TTC39A: variants seen among roughly 807,000 people sequenced by gnomAD.
TTC39A encodes tetratricopeptide repeat domain 39A.
TTC39A carries 46 observed loss-of-function variants against 82.3 expected under a neutral mutation model. The observed-to-expected ratio is 0.56, with a 90% CI of 0.44 to 0.71. The LOEUF is 0.71. TTC39A is among the 30% of genes least tolerant of loss of function. TTC39A has a pLI of 0.00. For synonymous variants in TTC39A, 254 were observed against 275.2 expected (o/e 0.92, Z 0.76); for missense variants, 543 against 712.9 (o/e 0.76, Z 2.71).
At chr1:51,304,408 G>A (rs1644794815) in intron 8 of TTC39A, among the ~76,000 whole-genome samples, 2 of 152,110 alleles carry the variant, frequency 1.3e-5, no homozygotes, top group South Asian at 4.1e-4. Flanking sequence ...CATTAACAAG[G>A]CCCTTATTTT....
intron 2 of TTC39A, among the ~76,000 whole-genome samples, chr1:51,316,128 CT>C (rs2148250410): frequency 6.6e-6 from 1 of 152,282 alleles, no homozygotes; most frequent in African/African-American, 2.4e-5. Flanking sequence ...CTGCTGGACC[CT>C]GAGAACAGCC....
Position 51,294,299 on chromosome 1 carries a change from T to C in TTC39A, c.1266+92A>G. On this transcript the variant is annotated intron_variant, in intron 14 of 17. Coordinates refer to ENST00000680483, the MANE Select transcript of TTC39A (RefSeq NM_001297663.2). This position sits in a 1 kb window ranked among gnomAD's most constrained non-coding sequence, Gnocchi z 4.3. ...CAGGCCCCTGAGGCATGAAGGTCTT[T>C]CTCCTCATCCACCTCCCCCTGGCTG... is the stretch of plus-strand genomic sequence containing the variant. 1.9e-6 allele frequency: 3 copies of C among 1,586,276 alleles called. No individual in the cohort carries two copies. The East Asian group carries it at 6.8e-5, about 36-fold the overall frequency.
chr1:51,305,516 C>T (rs1336360524), intron 7 of TTC39A: 1 of 322,958 alleles, frequency 3.1e-6, no homozygotes, highest in Non-Finnish European at 5.9e-6. Context: ...GGAGCCAGCA[C>T]AGATGCTCAC....
chr1:51,298,313 C>T (rs1644521977), intron 12 of TTC39A: 2 of 152,388 alleles, frequency 1.3e-5, no homozygotes, highest in Non-Finnish European at 2.9e-5. Context: ...CCAAGGCTCC[C>T]CCACTGCTGG....
chr1:51,317,069 C>T (rs1645311893), intron 2 of TTC39A, among the ~76,000 whole-genome samples: 1 of 152,208 alleles, frequency 6.6e-6, no homozygotes, highest in Admixed American at 6.5e-5. Flanking sequence ...AGAGACAATG[C>T]TACTCAAAGG....
At chr1:51,333,853 G>A (rs1473530675), upstream of TTC39A, among the ~76,000 whole-genome samples, 1 of 152,140 alleles carries the variant, frequency 6.6e-6, no homozygotes, top group African/African-American at 2.4e-5. Context: ...ACACTAATGC[G>A]GGGCCTAGCA....
At chr1:51,341,275 T>A (rs1024903026) in intron 1 of TTC39A, among the ~76,000 whole-genome samples, 1 of 146,524 alleles carries the variant, frequency 6.8e-6, no homozygotes, top group Non-Finnish European at 1.5e-5. Context: ...TCCCAGGACT[T>A]GAGCTTGGAA....
intron 16 of TTC39A, 132 bp downstream of exon 16, chr1:51,289,873 C>T (rs1569733777): frequency 1.5e-6 from 1 of 680,948 alleles, no homozygotes; most frequent in East Asian, 2.8e-5. Context: ...AGAGTGGACA[C>T]TGGTTTAGTA....
intron 9 of TTC39A, 138 bp downstream of exon 9, chr1:51,302,946 C>G (rs1432352624): frequency 1.3e-6 from 1 of 762,866 alleles, no homozygotes; most frequent in East Asian, 2.7e-5. Flanking sequence ...GTCCCCAGGA[C>G]AGTGGATGTG....
chr1:51,320,856 A>G (rs947020057), intron 2 of TTC39A, among the ~76,000 whole-genome samples: 1 of 149,862 alleles, frequency 6.7e-6, no homozygotes, highest in African/African-American at 2.5e-5. Context: ...CTCATCTATC[A>G]GTAGATGTTT....
rs377477280 is a variant in TTC39A, at chr1:51,287,831, A to G, written c.*326T>C. Reference sequence around the variant, plus strand: ...GTGGTTGATTGTTGTTGGTTTTTAAAGCCAACTGTGATCCCATCAATGTAT... The same window carrying G: ...GTGGTTGATTGTTGTTGGTTTTTAAGGCCAACTGTGATCCCATCAATGTAT... On this transcript the variant is annotated 3_prime_UTR_variant, in exon 18 of 18. Coordinates refer to ENST00000680483, the MANE Select transcript of TTC39A (RefSeq NM_001297663.2). 1.3e-5 allele frequency: 3 copies of G among 227,748 alleles called. No individual in the cohort carries two copies. The highest frequency in any genetic ancestry group is 2.6e-4 in the South Asian group (2 of 7,790). 14.1% of individuals were successfully genotyped at this position (227,748 alleles called of 1,614,324 possible). A position where few individuals can be genotyped will look rare whatever the true frequency, so the allele number is the denominator to read the frequency against.
At chr1:51,303,036 C>T in intron 9 of TTC39A, 48 bp downstream of exon 9, 5 of 1,513,750 alleles carry the variant, frequency 3.3e-6, no homozygotes, top group Non-Finnish European at 4.5e-6. Flanking sequence ...CTCCTTCCCC[C>T]TTGGAGACGA....
intron 5 of TTC39A, among the ~76,000 whole-genome samples, chr1:51,310,514 A>G (rs1458126882): frequency 3.3e-5 from 5 of 152,246 alleles, no homozygotes; most frequent in African/African-American, 7.2e-5. Context: ...GGTCAAAAAG[A>G]TAGAAAAAAA....
chr1:51,330,823 C>T (rs1416114290), upstream of TTC39A: 1 of 453,614 alleles, frequency 2.2e-6, no homozygotes, highest in African/African-American at 2.0e-5. The surrounding 1 kb of genome is among the most constrained non-coding windows in gnomAD (Gnocchi z 4.5). Flanking sequence ...GCTAGAAGTT[C>T]TTCTCCGGGA....
At chr1:51,315,795 C>T (rs766918331) in intron 2 of TTC39A, among the ~76,000 whole-genome samples, 2 of 152,198 alleles carry the variant, frequency 1.3e-5, no homozygotes, top group Admixed American at 6.5e-5. Context: ...TGCCTAGAAA[C>T]GCCCTCCATC....
chr1:51,296,213 C>T (rs1422982856), intron 12 of TTC39A, 43 bp from the exon 13 acceptor site: 1 of 1,548,328 alleles, frequency 6.5e-7, no homozygotes, highest in African/African-American at 1.4e-5. Context: ...CAGCCCTCCT[C>T]CAGCCCCAGC....
intron 5 of TTC39A, chr1:51,309,553 G>T: frequency 1.0e-6 from 1 of 954,998 alleles, no homozygotes; most frequent in Non-Finnish European, 1.4e-6. Flanking sequence ...CTTGGAGAGA[G>T]GCCTGGAGGG....
chr1:51,320,416 C>CTTTTTTTTTTTTTTTTTTTT (rs57261779), intron 2 of TTC39A, among the ~76,000 whole-genome samples: 26 of 79,430 alleles, frequency 3.3e-4, no homozygotes, highest in Middle Eastern at 6.8e-3. Flanking sequence ...TTTTCTTTTT[C>CTTTTTTTTTTTTTTTTTTTT]TTTTTTTTTT....
At chr1:51,289,087 G>A in intron 16 of TTC39A, 132 bp from the exon 17 acceptor site, 4 of 748,394 alleles carry the variant, frequency 5.3e-6, no homozygotes, top group Non-Finnish European at 8.8e-6. Flanking sequence ...GGGATCCATA[G>A]CAAAGCCTTC....
Sources: gnomAD v4.1 joint callset for allele counts (sites outside exome capture counted in the v4.1 genomes callset) on GRCh38, gnomAD v4.1.1 for gene constraint, Gnocchi (gnomAD v3.1) non-coding constraint, MANE v1.5 for transcripts, NCBI Gene and HGNC (gene_info 2026-07-23, HGNC 2026-07-21) for gene names.